The following TNK2 variants were observed in gnomAD, a reference collection of about 807,000 sequenced individuals.
TNK2 encodes activated CDC42 kinase 1.
In TNK2, 83 loss-of-function variants were observed where a neutral mutation model predicts 101.8. The ratio of observed to expected loss-of-function variants is 0.82; its 90% CI spans 0.68 to 0.98. The LOEUF is 0.98. TNK2 is among the 50% of genes least tolerant of loss of function. TNK2 has a pLI of 0.00. For synonymous variants in TNK2, 804 were observed against 633.0 expected, an observed-to-expected ratio of 1.27 and a Z score of -4.06; for missense variants, 1,665 against 1,483.2, an observed-to-expected ratio of 1.12 and a Z score of -2.01.
At chr3:195,897,681 T>G (rs1760759114) in intron 1 of TNK2, among the ~76,000 whole-genome samples, 1 of 152,156 alleles carries the variant, frequency 6.6e-6, no homozygotes, top group South Asian at 2.1e-4. Context: ...TTTGTATTTT[T>G]TGTAGAGATG....
chr3:195,870,632 G>T (rs115004961), intron 10 of TNK2, among the ~76,000 whole-genome samples: 2 of 152,248 alleles, frequency 1.3e-5, no homozygotes, highest in Non-Finnish European at 2.9e-5. Flanking sequence ...TGGCCAGGAG[G>T]TGCGGGAGAG....
At chr3:195,896,014 C>T in intron 1 of TNK2, 1 of 398,914 alleles carries the variant, frequency 2.5e-6, no homozygotes, top group Non-Finnish European at 4.9e-6. Flanking sequence ...GCGCCACTCC[C>T]GCAACGCCGC....
intron 12 of TNK2, chr3:195,869,116 G>A: frequency 2.1e-6 from 1 of 474,168 alleles, no homozygotes; most frequent in South Asian, 2.9e-5. Flanking sequence ...CCTGCCATCA[G>A]GGGCTATAAG....
At position 195,864,566 on chromosome 3, in the gene TNK2, T is replaced by C. The variant is rs113863500; in HGVS notation, c.3162-379A>G. ...CAGGTGACACGGAGTGCCTGCATCC[T>C]AGATGCAAATCAGTAAGAACCACCC... On this transcript the variant is annotated intron_variant, in intron 15 of 15. Transcript: ENST00000672887. Among the ~76,000 whole-genome samples the C allele has an allele frequency of 6.4e-3, 527 of 81,856 alleles. 4 individuals are homozygous for C. Among genetic ancestry groups the C allele is most frequent in the East Asian group, 0.016 (43 of 2,634 alleles). 53.7% of individuals were successfully genotyped at this position (81,856 alleles called of 152,430 possible). A position where few individuals can be genotyped will look rare whatever the true frequency, so the allele number is the denominator to read the frequency against.
chr3:195,876,554 C>A, intron 9 of TNK2: 1 of 456,810 alleles, frequency 2.2e-6, no homozygotes, highest in South Asian at 1.5e-5. Flanking sequence ...CCACCGACAC[C>A]CAGGCCCGCT....
chr3:195,892,113 T>C, intron 1 of TNK2: 1 of 618,906 alleles, frequency 1.6e-6, no homozygotes, highest in Non-Finnish European at 2.3e-6. Context: ...GCACAGGGCA[T>C]GGCTGCAGCT....
intron 1 of TNK2, among the ~76,000 whole-genome samples, chr3:195,893,811 G>A (rs564866174): frequency 6.5e-4 from 99 of 152,286 alleles, no homozygotes; most frequent in African/African-American, 2.1e-3. Context: ...CTGGCTGGAG[G>A]GGTGGGCAGC....
chr3:195,885,268 G>A lies in TNK2; in HGVS notation c.235-235C>T, dbSNP rs371562908. On this transcript the variant is annotated intron_variant, in intron 3 of 15. Transcript: ENST00000672887. The surrounding 1 kb of genome is among the most constrained non-coding windows in gnomAD (Gnocchi z 4.7). The stretch of plus-strand genomic sequence containing the variant: ...TCAAGGAGGGTGCCAGAAAGAGACC[G>A]ACAGGCATGCAGCCTGTGGCTGAGC... 49 of 1,163,476 alleles carry A rather than the reference G, an allele frequency of 4.2e-5. No individual in the cohort carries two copies. Among genetic ancestry groups the A allele is most frequent in the Middle Eastern group, 3.0e-4 (1 of 3,386 alleles). The allele number at this position is 1,163,476 out of a possible 1,614,324, so 72.1% of individuals were successfully genotyped here. A position where few individuals can be genotyped will look rare whatever the true frequency, so the allele number is the denominator to read the frequency against.
chr3:195,870,147 A>T lies in TNK2; in HGVS notation c.1510T>A (p.Ser504Thr). 6.8e-7 allele frequency: 1 copy of T among 1,469,020 alleles called. No homozygotes were observed. Among genetic ancestry groups the T allele is most frequent in the Non-Finnish European group, 9.1e-7 (1 of 1,102,586 alleles). 91.0% of individuals were successfully genotyped at this position (1,469,020 alleles called of 1,614,324 possible). ...PDLLSVELST[S>T]RPPQHLGGVK... ...CCTCCTAGATGCTGGGGGGGCCGGG[A>T]GGTGCTCAGTTCCACGCTCAGGAGG... Residue 504 changes from serine to threonine, a missense_variant, in exon 11 of 16, where the codon TCC becomes ACC. Ser to Thr is a moderately conservative substitution (Grantham distance 58). Transcript: ENST00000672887.
At chr3:195,906,668 G>A (rs905250590) in intron 1 of TNK2, among the ~76,000 whole-genome samples, 3 of 151,974 alleles carry the variant, frequency 2.0e-5, no homozygotes, top group African/African-American at 7.3e-5. Flanking sequence ...TATCTTGAAG[G>A]TGGGGGTGGT....
Position 195,864,334 on chromosome 3 carries a change from T to C in TNK2, c.3162-147A>G, listed in dbSNP as rs538949213. 23 of 820,646 alleles carry C rather than the reference T, an allele frequency of 2.8e-5. 1 individual carries two copies. Among genetic ancestry groups the C allele is most frequent in the Non-Finnish European group, 4.4e-5 (22 of 505,022 alleles). The allele number at this position is 820,646 out of a possible 1,614,324, so 50.8% of individuals were successfully genotyped here. On this transcript the variant is annotated intron_variant, in intron 15 of 15. Coordinates refer to ENST00000672887, the MANE Select transcript of TNK2 (RefSeq NM_001382273.1). Reference sequence around the variant, plus strand: ...TGTAAAATTTATCATCCTGGATGTCTTTTCTCTGTACTTTAATAAACTATG... The same window carrying C: ...TGTAAAATTTATCATCCTGGATGTCCTTTCTCTGTACTTTAATAAACTATG...
chr3:195,900,736 C>G, intron 1 of TNK2, among the ~76,000 whole-genome samples: 1 of 152,222 alleles, frequency 6.6e-6, no homozygotes, highest in Admixed American at 6.5e-5. Context: ...AGCTGCCTCT[C>G]GTTGCCTGTC....
intron 1 of TNK2, among the ~76,000 whole-genome samples, chr3:195,901,211 G>C (rs1761171864): frequency 6.6e-6 from 1 of 152,208 alleles, no homozygotes; most frequent in Admixed American, 6.5e-5. Flanking sequence ...GACCCTCAAA[G>C]GGGAAGGGGC....
chr3:195,869,965 C>T, intron 11 of TNK2, 149 bp downstream of exon 11: 1 of 647,854 alleles, frequency 1.5e-6, no homozygotes, highest in Non-Finnish European at 2.6e-6. Context: ...CCACGCCCAG[C>T]CGGAGCCAGG....
intron 10 of TNK2, among the ~76,000 whole-genome samples, chr3:195,870,735 G>A (rs1478174040): frequency 6.6e-6 from 1 of 152,274 alleles, no homozygotes; most frequent in Admixed American, 6.5e-5. Flanking sequence ...TTAAAGCCTG[G>A]AGGAATGGGG....
chr3:195,869,246 C>T, intron 12 of TNK2: 1 of 594,446 alleles, frequency 1.7e-6, no homozygotes, highest in Non-Finnish European at 3.0e-6. Flanking sequence ...GCTCCAGAAG[C>T]TCAGACAGGT....
intron 1 of TNK2, among the ~76,000 whole-genome samples, chr3:195,894,891 A>G (rs1461509770): frequency 1.3e-5 from 2 of 152,262 alleles, no homozygotes; most frequent in African/African-American, 4.8e-5. Flanking sequence ...ATCTGGCTTG[A>G]TATTCATATT....
rs1755102490 is a variant in TNK2 at position 195,885,290 on chromosome 3, G to A, written c.235-257C>T. Reference sequence around the variant, plus strand: ...ACCGACAGGCATGCAGCCTGTGGCTGAGCGGCCCCACACCCAGCTGTGTGG... The same window carrying A: ...ACCGACAGGCATGCAGCCTGTGGCTAAGCGGCCCCACACCCAGCTGTGTGG... On this transcript the variant is annotated intron_variant, in intron 3 of 15. Coordinates refer to ENST00000672887, the MANE Select transcript of TNK2 (RefSeq NM_001382273.1). The surrounding 1 kb of genome is among the most constrained non-coding windows in gnomAD (Gnocchi z 4.7). 9 of 1,286,402 alleles carry A rather than the reference G, an allele frequency of 7.0e-6. No individual in the cohort carries two copies. The highest frequency in any genetic ancestry group is 9.3e-6 in the Non-Finnish European group (9 of 969,050). The allele number at this position is 1,286,402 out of a possible 1,614,324, so 79.7% of individuals were successfully genotyped here.
In TNK2 at chr3:195,887,057, G is replaced by C. The variant is rs1755971462; in HGVS notation, c.164-10C>G. The C allele has an allele frequency of 4.3e-6, 7 of 1,613,424 alleles. No homozygotes were observed. Among genetic ancestry groups the C allele is most frequent in the Non-Finnish European group, 5.9e-6 (7 of 1,179,626 alleles). ...CACAGCCGCCGCTGGCCTGCAGGGAGAGCGGGGAACCGCGTGCTGTGAAGG... is the reference window on the plus strand; with the variant it reads ...CACAGCCGCCGCTGGCCTGCAGGGACAGCGGGGAACCGCGTGCTGTGAAGG... On this transcript the variant is annotated splice_polypyrimidine_tract_variant and intron_variant, in intron 2 of 15. Coordinates refer to ENST00000672887, the MANE Select transcript of TNK2 (RefSeq NM_001382273.1).
Sources: gnomAD v4.1 joint callset for allele counts (sites outside exome capture counted in the v4.1 genomes callset) on GRCh38, gnomAD v4.1.1 for gene constraint, Gnocchi (gnomAD v3.1) non-coding constraint, MANE v1.5 for transcripts, NCBI Gene and HGNC (gene_info 2026-07-23, HGNC 2026-07-21) for gene names.